TRHR: variants seen among roughly 807,000 people sequenced by gnomAD.
TRHR encodes thyrotropin releasing hormone receptor.
TRHR carries 14 observed loss-of-function variants against 28.0 expected under a neutral mutation model. The observed-to-expected ratio is 0.50, with a 90% CI of 0.33 to 0.78. The LOEUF (loss-of-function observed/expected upper bound fraction) is 0.78, where lower values mean the gene tolerates loss of function less well. TRHR is among the 30% of genes least tolerant of loss of function. The pLI, the probability that TRHR is intolerant of heterozygous loss-of-function variation, is 0.02. For missense variants in TRHR, 438 were observed against 469.5 expected, an observed-to-expected ratio of 0.93 and a Z score of 0.62; for synonymous variants, 176 against 171.9, an observed-to-expected ratio of 1.02 and a Z score of -0.18.
Position 109,119,273 on chromosome 8 carries a change from CA to C in TRHR, c.1016del (p.Gln339ArgfsTer14), listed in dbSNP as rs746577552. ...AAFRKLCNCK[Q>X]KPTEKPANYS... ...CTTCAGAAAGCTCTGCAACTGCAAG[CA>C]GAAGCCAACAGAGAAACCTGCTAAC... On this transcript the variant is annotated frameshift_variant, in exon 3 of 3. Transcript: ENST00000518632. LOFTEE classifies it high-confidence loss of function. The C allele has an allele frequency of 2.5e-4, 411 of 1,612,578 alleles. No individual in the cohort carries two copies. The highest frequency in any genetic ancestry group is 3.4e-4 in the Non-Finnish European group (398 of 1,179,228).
Position 109,087,545 on chromosome 8 carries a change from A to G in TRHR, c.33A>G (p.Gln11=). 1 of 1,614,226 alleles carries G rather than the reference A, an allele frequency of 6.2e-7. No individual in the cohort carries two copies. Among genetic ancestry groups the G allele is most frequent in the Middle Eastern group, 1.6e-4 (1 of 6,062 alleles). Residue 11 remains glutamine (Q), a synonymous_variant, in exon 2 of 3, where the codon CAA becomes CAG. Coordinates refer to ENST00000518632, the MANE Select transcript of TRHR (RefSeq NM_003301.7). The part of the protein sequence containing the change: MENETVSELN[Q]TQLQPRAVVA... ...ACGAGACAGTCAGTGAACTGAACCA[A>G]ACACAGCTTCAGCCACGAGCAGTGG...
chr8:109,109,138 G>A (rs537887798), intron 2 of TRHR, among the ~76,000 whole-genome samples: 1 of 152,286 alleles, frequency 6.6e-6, no homozygotes, highest in African/African-American at 2.4e-5. Flanking sequence ...ATAAACTCTT[G>A]TGTAGAAATA....
chr8:109,119,204 A>G lies in TRHR; in HGVS notation c.946A>G (p.Asn316Asp). The G allele has an allele frequency of 6.2e-7, 1 of 1,612,924 alleles. No homozygotes were observed. Reference sequence around the variant, plus strand: ...TTGCATTTATCTCAACAGTGCCATCAACCCGGTGATTTACAATCTCATGTC... The same window carrying G: ...TTGCATTTATCTCAACAGTGCCATCGACCCGGTGATTTACAATCTCATGTC... ...RICIYLNSAINPVIYNLMSQK... is the reference protein window; with the variant it reads ...RICIYLNSAIDPVIYNLMSQK... The change falls in exon 3 of 3, where the codon AAC (asparagine) becomes GAC (aspartate). Residue 316 changes from asparagine to aspartate, a missense_variant. By Grantham distance (23) the Asn-to-Asp change is conservative. Transcript: ENST00000518632.
At chr8:109,118,725 A>C (rs2129940907) in intron 2 of TRHR, among the ~76,000 whole-genome samples, 1 of 151,990 alleles carries the variant, frequency 6.6e-6, no homozygotes, top group Non-Finnish European at 1.5e-5. Context: ...AATATCCTTT[A>C]ATGAATGGAC....
intron 2 of TRHR, among the ~76,000 whole-genome samples, chr8:109,098,662 C>A: frequency 6.6e-6 from 1 of 152,164 alleles, no homozygotes; most frequent in Middle Eastern, 3.2e-3. Context: ...CCCCAACACA[C>A]CCTCATACAG....
rs1554598954 is a variant in TRHR at position 109,099,145 on chromosome 8, T to TA, written c.789+10844_789+10845insA. Among the ~76,000 whole-genome samples, 614 of 136,654 alleles carry TA rather than the reference T, an allele frequency of 4.5e-3. 4 individuals are homozygous for TA. The highest frequency in any genetic ancestry group is 0.018 in the African/African-American group (574 of 32,248). 89.7% of individuals were successfully genotyped at this position (136,654 alleles called of 152,430 possible). ...ATTGAAAGAAATTGTAAGGGAGAGA[T>TA]TACAGAGAGACATCAAGAGGAGGAG... On this transcript the variant is annotated intron_variant, in intron 2 of 2. Transcript: ENST00000518632.
At chr8:109,114,189 A>G (rs1253514990) in intron 2 of TRHR, among the ~76,000 whole-genome samples, 2 of 152,094 alleles carry the variant, frequency 1.3e-5, no homozygotes, top group African/African-American at 2.4e-5. Context: ...TTCACAAAGA[A>G]GATAACACTT....
chr8:109,095,443 G>A lies in TRHR; in HGVS notation c.789+7142G>A, dbSNP rs113253719. Among the ~76,000 whole-genome samples, 634 of 152,238 alleles carry A rather than the reference G, an allele frequency of 4.2e-3. 7 individuals carry two copies. Among genetic ancestry groups the A allele is most frequent in the African/African-American group, 0.014 (591 of 41,546 alleles). On this transcript the variant is annotated intron_variant, in intron 2 of 2. Transcript: ENST00000518632. Reference sequence around the variant, plus strand: ...AAGTAGATGGGAGAAGACTGGGCACGTTCAGGGAGGGAATAATCTGGTATT... The same window carrying A: ...AAGTAGATGGGAGAAGACTGGGCACATTCAGGGAGGGAATAATCTGGTATT...
chr8:109,109,719 G>A (rs189853852), intron 2 of TRHR, among the ~76,000 whole-genome samples: 21 of 152,226 alleles, frequency 1.4e-4, no homozygotes, highest in African/African-American at 5.1e-4. Context: ...AGAAATGTTG[G>A]TGCAACTTAG....
intron 2 of TRHR, among the ~76,000 whole-genome samples, chr8:109,113,855 A>G (rs1811875709): frequency 6.6e-6 from 1 of 152,142 alleles, no homozygotes; most frequent in East Asian, 1.9e-4. Context: ...TAGAAGATTC[A>G]AAAGCATGCT....
intron 2 of TRHR, among the ~76,000 whole-genome samples, chr8:109,113,809 A>C (rs927252260): frequency 6.6e-6 from 1 of 152,170 alleles, no homozygotes; most frequent in Non-Finnish European, 1.5e-5. Context: ...TTGTAGTAAG[A>C]GTCATAGCAG....
intron 2 of TRHR, among the ~76,000 whole-genome samples, chr8:109,118,330 A>C (rs1334253009): frequency 6.6e-6 from 1 of 151,794 alleles, no homozygotes; most frequent in Non-Finnish European, 1.5e-5. Flanking sequence ...TTCAATAAAC[A>C]CTGACTTTTT....
intron 2 of TRHR, among the ~76,000 whole-genome samples, chr8:109,092,196 AT>A (rs900605997): frequency 1.3e-5 from 2 of 152,000 alleles, no homozygotes; most frequent in Non-Finnish European, 1.5e-5. Flanking sequence ...TGCTTCAATA[AT>A]TTTTTTCTTA....
intron 2 of TRHR, among the ~76,000 whole-genome samples, chr8:109,106,819 C>T (rs551485685): frequency 1.3e-4 from 20 of 152,238 alleles, no homozygotes; most frequent in African/African-American, 4.8e-4. Flanking sequence ...TCATTCATTT[C>T]CTGAACGTTT....
intron 2 of TRHR, among the ~76,000 whole-genome samples, chr8:109,105,166 C>A (rs1811730889): frequency 6.6e-6 from 1 of 151,998 alleles, no homozygotes; most frequent in Non-Finnish European, 1.5e-5. Context: ...TGTAATTTAT[C>A]CTGTGATTTT....
intron 2 of TRHR, among the ~76,000 whole-genome samples, chr8:109,090,850 G>A (rs1302068337): frequency 6.6e-6 from 1 of 152,168 alleles, no homozygotes; most frequent in Admixed American, 6.5e-5. Flanking sequence ...CTTATGTGAT[G>A]GAGCGACTTA....
At chr8:109,107,380 C>T (rs1200277217) in intron 2 of TRHR, among the ~76,000 whole-genome samples, 1 of 152,238 alleles carries the variant, frequency 6.6e-6, no homozygotes, top group African/African-American at 2.4e-5. Context: ...ATTTCACAGA[C>T]GTATATACTG....
chr8:109,113,498 CTG>C (rs1441454693), intron 2 of TRHR, among the ~76,000 whole-genome samples: 4 of 152,052 alleles, frequency 2.6e-5, no homozygotes, highest in Non-Finnish European at 5.9e-5. Context: ...ACCTAAGGAG[CTG>C]TGACACCTAA....
chr8:109,098,642 G>A (rs1001220223), intron 2 of TRHR, among the ~76,000 whole-genome samples: 3 of 152,018 alleles, frequency 2.0e-5, no homozygotes, highest in African/African-American at 7.2e-5. Flanking sequence ...AAACTCATCT[G>A]CCCTCTGTCC....
Sources: gnomAD v4.1 joint callset for allele counts (sites outside exome capture counted in the v4.1 genomes callset) on GRCh38, gnomAD v4.1.1 for gene constraint, MANE v1.5 for transcripts, NCBI Gene and HGNC (gene_info 2026-07-23, HGNC 2026-07-21) for gene names.